The following ASIC2 variants were observed in gnomAD, a reference collection of about 807,000 sequenced individuals.
The protein encoded by ASIC2 is acid sensing ion channel subunit 2, also known as acid-sensing ion channel 2.
ASIC2 carries 25 observed loss-of-function variants against 57.3 expected under a neutral mutation model. That is an observed-to-expected ratio of 0.44 (90% CI 0.32 to 0.61). The LOEUF (loss-of-function observed/expected upper bound fraction) is 0.61. ASIC2 is among the 20% of genes least tolerant of loss of function. The pLI is 0.06. For missense variants in ASIC2, 641 were observed against 738.1 expected (o/e 0.87, Z 1.52); for synonymous variants, 319 against 307.5 (o/e 1.04, Z -0.39).
chr17:33,017,127 G>A (rs918766118), intron 8 of ASIC2, among the ~76,000 whole-genome samples: 1 of 152,230 alleles, frequency 6.6e-6, no homozygotes, highest in African/African-American at 2.4e-5. Context: ...GGACTGCTGG[G>A]AAGTGCCCCT....
At chr17:33,476,503 G>GTATATATATATATATATATATA (rs1567624821) in intron 1 of ASIC2, among the ~76,000 whole-genome samples, 1 of 95,282 alleles carries the variant, frequency 1.0e-5, no homozygotes. Flanking sequence ...GTGTGTGTGT[G>GTATATATATATATATATATATA]CATATATATA....
At chr17:33,569,739 T>A (rs999245375) in intron 1 of ASIC2, among the ~76,000 whole-genome samples, 3 of 152,164 alleles carry the variant, frequency 2.0e-5, no homozygotes, top group African/African-American at 7.2e-5. Context: ...TATCCATCCG[T>A]CCATCCATCC....
chr17:33,737,160 T>C (rs1909939255), intron 1 of ASIC2, among the ~76,000 whole-genome samples: 1 of 152,266 alleles, frequency 6.6e-6, no homozygotes, highest in South Asian at 2.1e-4. Context: ...CGCCTCCACA[T>C]TTATTTTACC....
rs566280359 is a variant in ASIC2, at chr17:33,134,676, T to G, written c.709-22609A>C. On this transcript the variant is annotated intron_variant, in intron 1 of 9. Coordinates refer to ENST00000225823, the MANE Select transcript of ASIC2 (RefSeq NM_183377.2). ...GGTAAGCATTGAAACGCAGCACTGG[T>G]TGTCCTGCCTGAGTAGAGAGCCCTC... is the stretch of plus-strand genomic sequence containing the variant. 2.0e-5 allele frequency among the ~76,000 whole-genome samples: 3 copies of G among 152,322 alleles called. No homozygotes were observed. The South Asian group carries it at 6.2e-4, about 32-fold the overall frequency.
intron 1 of ASIC2, among the ~76,000 whole-genome samples, chr17:33,467,860 TGACCACCTTG>T (rs2141917240): frequency 6.6e-6 from 1 of 152,368 alleles, no homozygotes; most frequent in South Asian, 2.1e-4. Flanking sequence ...AGTTGCGGCC[TGACCACCTTG>T]GACACATGTT....
chr17:33,752,785 A>T (rs564511540), intron 1 of ASIC2, among the ~76,000 whole-genome samples: 1 of 152,192 alleles, frequency 6.6e-6, no homozygotes, highest in Non-Finnish European at 1.5e-5. Flanking sequence ...TAAAATCCAA[A>T]ACACTGACAT....
At chr17:33,787,589 A>G (rs1911643828) in intron 1 of ASIC2, among the ~76,000 whole-genome samples, 1 of 152,126 alleles carries the variant, frequency 6.6e-6, no homozygotes, top group Admixed American at 6.5e-5. Context: ...GAATGAAAGA[A>G]AAATTGAGCA....
At chr17:33,398,837 T>C (rs1243641526) in intron 1 of ASIC2, among the ~76,000 whole-genome samples, 1 of 152,196 alleles carries the variant, frequency 6.6e-6, no homozygotes, top group African/African-American at 2.4e-5. Context: ...AGAACCAAGA[T>C]GGCAACTCAA....
At chr17:33,405,629 G>A (rs890335168) in intron 1 of ASIC2, among the ~76,000 whole-genome samples, 5 of 151,552 alleles carry the variant, frequency 3.3e-5, no homozygotes, top group Admixed American at 6.6e-5. Flanking sequence ...GATTACAGGC[G>A]CCCGCCACCA....
intron 1 of ASIC2, among the ~76,000 whole-genome samples, chr17:33,201,394 G>A (rs1005897429): frequency 4.6e-5 from 7 of 152,190 alleles, no homozygotes; most frequent in Admixed American, 3.9e-4. Flanking sequence ...TCTGGAGGCA[G>A]GGACTTGACT....
chr17:34,034,885 A>G (rs1250725355), intron 1 of ASIC2, among the ~76,000 whole-genome samples: 1 of 152,204 alleles, frequency 6.6e-6, no homozygotes, highest in Non-Finnish European at 1.5e-5. Flanking sequence ...ATGGAAGAAC[A>G]TTCCATGCTT....
chr17:33,185,229 T>C (rs1906143664), intron 1 of ASIC2, among the ~76,000 whole-genome samples: 1 of 152,182 alleles, frequency 6.6e-6, no homozygotes. Context: ...AGTTTTTGAT[T>C]GGGCTTTGTT....
In ASIC2 at chr17:33,108,410, C is replaced by T. The variant is rs533301725; in HGVS notation, c.859+3507G>A. Among the ~76,000 whole-genome samples, 27 of 152,226 alleles carry T rather than the reference C, an allele frequency of 1.8e-4. No individual in the cohort carries two copies. The East Asian group carries it at 3.5e-3, about 20-fold the overall frequency. On this transcript the variant is annotated intron_variant, in intron 2 of 9. Coordinates refer to ENST00000225823, the MANE Select transcript of ASIC2 (RefSeq NM_183377.2). Reference sequence around the variant, plus strand: ...GGAAGGGAGATGGCATCTGTGGGGCCGCATGGTTTGGCAGGGCAGGAAGGC... The same window carrying T: ...GGAAGGGAGATGGCATCTGTGGGGCTGCATGGTTTGGCAGGGCAGGAAGGC...
chr17:34,121,185 G>C (rs1296079538), intron 1 of ASIC2, among the ~76,000 whole-genome samples: 3 of 152,174 alleles, frequency 2.0e-5, no homozygotes, highest in Non-Finnish European at 4.4e-5. Flanking sequence ...GGCAAGAAAG[G>C]ATCCTCCAGC....
At chr17:33,971,454 T>A (rs73990110) in intron 1 of ASIC2, among the ~76,000 whole-genome samples, 42 of 152,140 alleles carry the variant, frequency 2.8e-4, no homozygotes, top group African/African-American at 9.9e-4. Context: ...TACACAAACA[T>A]ACGCTCACAC....
chr17:33,855,952 A>G (rs1045860168), intron 1 of ASIC2, among the ~76,000 whole-genome samples: 2 of 152,212 alleles, frequency 1.3e-5, no homozygotes, highest in Non-Finnish European at 2.9e-5. Context: ...TTAAAAAATG[A>G]TAAGGTCCTT....
intron 1 of ASIC2, among the ~76,000 whole-genome samples, chr17:33,426,838 G>A (rs551904466): frequency 1.3e-5 from 2 of 152,282 alleles, no homozygotes; most frequent in East Asian, 3.9e-4. Context: ...ATTGCAGTTT[G>A]CAATAAATGA....
At chr17:33,628,051 G>A (rs1192164368) in intron 1 of ASIC2, among the ~76,000 whole-genome samples, 1 of 152,002 alleles carries the variant, frequency 6.6e-6, no homozygotes, top group African/African-American at 2.4e-5. Context: ...AAAAGAAGAG[G>A]CCTCCTCCTG....
At chr17:33,148,982 T>C (rs1044484514) in intron 1 of ASIC2, among the ~76,000 whole-genome samples, 6 of 152,060 alleles carry the variant, frequency 3.9e-5, no homozygotes, top group African/African-American at 1.4e-4. Flanking sequence ...TAGTCCCAGT[T>C]ACTCAGGAGA....
Sources: allele counts gnomAD v4.1 joint callset (sites outside exome capture counted in the v4.1 genomes callset), GRCh38; gene constraint gnomAD v4.1.1; transcripts MANE v1.5; gene names NCBI Gene and HGNC (gene_info 2026-07-23, HGNC 2026-07-21).